SIM2: variants seen among roughly 807,000 people sequenced by gnomAD.
SIM2 encodes single-minded homolog 2.
A neutral mutation model predicts 64.8 loss-of-function variants in SIM2; 28 were observed. The ratio of observed to expected loss-of-function variants is 0.43; its 90% CI spans 0.32 to 0.59. The LOEUF is 0.59. Among genes scored for constraint, SIM2 ranks in the 20% least tolerant of loss-of-function variants. SIM2 has a pLI of 0.07. For missense variants in SIM2, 847 were observed against 871.4 expected, an observed-to-expected ratio of 0.97 and a Z score of 0.35; for synonymous variants, 408 against 391.1, an observed-to-expected ratio of 1.04 and a Z score of -0.51.
intron 4 of SIM2, 31 bp from the exon 5 acceptor site, chr21:36,723,014 G>C: frequency 6.3e-7 from 1 of 1,575,576 alleles, no homozygotes; most frequent in Non-Finnish European, 8.7e-7. Flanking sequence ...CGGAGGGACA[G>C]CTGCCAACCT....
intron 2 of SIM2, chr21:36,710,081 G>A (rs1240659801): frequency 1.9e-5 from 3 of 154,794 alleles, no homozygotes; most frequent in African/African-American, 7.2e-5. Context: ...CAAAGTGTTG[G>A]GATTACAGGC....
intron 1 of SIM2, among the ~76,000 whole-genome samples, chr21:36,708,807 C>A (rs1404808607): frequency 6.6e-6 from 1 of 152,222 alleles, no homozygotes; most frequent in African/African-American, 2.4e-5. Flanking sequence ...CCCCGTTTGG[C>A]CACGAGAATG....
In SIM2 at chr21:36,740,480, G is replaced by A. The variant is rs9977504; in HGVS notation, c.851-1237G>A. 4.6e-5 allele frequency among the ~76,000 whole-genome samples: 7 copies of A among 152,076 alleles called. No individual in the cohort carries two copies. The South Asian group carries it at 1.5e-3, about 32-fold the overall frequency. Reference sequence around the variant, plus strand: ...TGCCTATATTGCTTTTAGGGTCTTTGTGTTTTTATCAATCTGTACGAACCC... The same window carrying A: ...TGCCTATATTGCTTTTAGGGTCTTTATGTTTTTATCAATCTGTACGAACCC... On this transcript the variant is annotated intron_variant, in intron 7 of 10. Transcript: ENST00000290399.
At position 36,726,744 on chromosome 21, in the gene SIM2, T is replaced by C. The variant is rs926911889; in HGVS notation, c.743+426T>C. Among the ~76,000 whole-genome samples, 6 of 152,104 alleles carry C rather than the reference T, an allele frequency of 3.9e-5. No homozygotes were observed. In the East Asian group the frequency reaches 1.2e-3, roughly 29 times the overall value. The stretch of plus-strand genomic sequence containing the variant: ...AAATTTCCACCCTGTGTGCGGTGTG[T>C]GGGGGGCCTTGGCACTCAGGCTGGT... On this transcript the variant is annotated intron_variant, in intron 6 of 10. Transcript: ENST00000290399. This position sits in a 1 kb window ranked among gnomAD's most constrained non-coding sequence, Gnocchi z 4.5.
intron 7 of SIM2, among the ~76,000 whole-genome samples, chr21:36,740,988 C>A (rs1025655241): frequency 3.9e-5 from 6 of 152,220 alleles, no homozygotes; most frequent in African/African-American, 1.4e-4. Flanking sequence ...CCCCCACCTG[C>A]CTCCTGGAAG....
chr21:36,725,171 C>A (rs1206995457), intron 5 of SIM2, among the ~76,000 whole-genome samples: 1 of 152,056 alleles, frequency 6.6e-6, no homozygotes, highest in South Asian at 2.1e-4. Flanking sequence ...CATAATGAGA[C>A]CTTGTCTCTA....
chr21:36,701,015 G>A (rs1327767473), intron 1 of SIM2, among the ~76,000 whole-genome samples: 1 of 152,242 alleles, frequency 6.6e-6, no homozygotes, highest in East Asian at 1.9e-4. Context: ...AGCGTTTTTG[G>A]CGTCCCAAGC....
intron 2 of SIM2, chr21:36,709,542 T>G (rs1347972019): frequency 5.3e-6 from 3 of 570,094 alleles, no homozygotes; most frequent in Non-Finnish European, 9.8e-6. Flanking sequence ...CGTGGTCAAG[T>G]GCTTTCCAAT....
chr21:36,747,970 G>T lies in SIM2; in HGVS notation c.1882G>T (p.Gly628Cys), dbSNP rs1205112450. The stretch of plus-strand genomic sequence containing the variant: ...CTCCGGCCTGGCCTGCGCTCCCGGC[G>T]GCCCCGAGGCGGCGACCGGCGCGCT... ...AASGLACAPG[G>C]PEAATGALRL... is the part of the protein sequence containing the mutation. The change falls in exon 11 of 11, where the codon GGC (glycine) becomes TGC (cysteine). Residue 628 changes from glycine (G) to cysteine (C), a missense_variant. Around this residue, in one of 3 missense-constraint regions of SIM2, gnomAD observed 447 missense variants for 414.6 expected, o/e 1.08. Coordinates refer to ENST00000290399, the MANE Select transcript of SIM2 (RefSeq NM_005069.6). This position sits in a 1 kb window ranked among gnomAD's most constrained non-coding sequence, Gnocchi z 4.5. The T allele has an allele frequency of 9.8e-7, 1 of 1,015,316 alleles. No homozygotes were observed. Among genetic ancestry groups the T allele is most frequent in the Non-Finnish European group, 1.2e-6 (1 of 851,804 alleles). 62.9% of individuals were successfully genotyped at this position (1,015,316 alleles called of 1,614,324 possible).
intron 3 of SIM2, among the ~76,000 whole-genome samples, chr21:36,715,284 A>ATTT (rs563789448): frequency 3.3e-5 from 5 of 152,126 alleles, no homozygotes; most frequent in African/African-American, 1.2e-4. Flanking sequence ...CACAATGTGT[A>ATTT]TTTTTTTCTG....
intron 3 of SIM2, among the ~76,000 whole-genome samples, chr21:36,713,473 C>T (rs928552382): frequency 6.6e-5 from 10 of 152,188 alleles, no homozygotes; most frequent in African/African-American, 2.2e-4. Context: ...ACATTTTAAA[C>T]TACATATAGG....
chr21:36,700,726 G>C (rs2123400702), intron 1 of SIM2, among the ~76,000 whole-genome samples: 1 of 152,352 alleles, frequency 6.6e-6, no homozygotes, highest in Admixed American at 6.5e-5. Context: ...TGGGGTGCGG[G>C]AAGTCCGGGC....
intron 1 of SIM2, chr21:36,701,437 G>C (rs1232915723): frequency 6.6e-6 from 1 of 152,254 alleles, no homozygotes. Context: ...CTGCAAGCGC[G>C]GCCTCCAGCC....
rs1262020642 is a variant in SIM2 at position 36,747,854 on chromosome 21, C to T, written c.1766C>T (p.Pro589Leu). The T allele has an allele frequency of 1.9e-6, 2 of 1,039,958 alleles. No individual in the cohort carries two copies. Among genetic ancestry groups the T allele is most frequent in the Admixed American group, 5.0e-5 (1 of 19,816 alleles). The allele number at this position is 1,039,958 out of a possible 1,614,324, so 64.4% of individuals were successfully genotyped here. Reference protein sequence around the residue: ...ECCAPPTPEAPGAPAQLPFVL... With the variant: ...ECCAPPTPEALGAPAQLPFVL... ...TGCGCGCCCCCGACCCCCGAGGCCC[C>T]GGGCGCGCCGGCGCAGCTGCCCTTC... The change falls in exon 11 of 11, where the codon CCG becomes CTG. Residue 589 changes from proline (P) to leucine (L), a missense_variant. Pro to Leu is a moderately conservative substitution (Grantham distance 98, BLOSUM62 -3). Coordinates refer to ENST00000290399, the MANE Select transcript of SIM2 (RefSeq NM_005069.6). This position sits in a 1 kb window ranked among gnomAD's most constrained non-coding sequence, Gnocchi z 4.5.
chr21:36,728,563 T>C (rs900122739), intron 6 of SIM2, among the ~76,000 whole-genome samples: 1 of 152,250 alleles, frequency 6.6e-6, no homozygotes, highest in African/African-American at 2.4e-5. Context: ...CCCAGATCTC[T>C]GGTTGTTCCT....
chr21:36,731,306 G>A (rs1229018151), intron 7 of SIM2, among the ~76,000 whole-genome samples, 155 bp downstream of exon 7: 1 of 152,038 alleles, frequency 6.6e-6, no homozygotes, highest in Non-Finnish European at 1.5e-5. Flanking sequence ...TCCACCCCGT[G>A]ATTAAGTACG....
At position 36,731,072 on chromosome 21, in the gene SIM2, G is replaced by T. The variant is rs747167310; in HGVS notation, c.771G>T (p.Pro257=). 31 of 1,613,928 alleles carry T rather than the reference G, an allele frequency of 1.9e-5. No individual in the cohort carries two copies. The South Asian group carries it at 2.9e-4, about 15-fold the overall frequency. The part of the protein sequence containing the change: ...SRVTEVTGYE[P]QDLIEKTLYH... The stretch of plus-strand genomic sequence containing the variant: ...TGACCGAGGTGACGGGGTACGAGCC[G>T]CAGGACCTGATCGAGAAGACCCTAT... The change falls in exon 7 of 11, where the codon CCG becomes CCT. Residue 257 remains proline, a synonymous_variant. Coordinates refer to ENST00000290399, the MANE Select transcript of SIM2 (RefSeq NM_005069.6).
chr21:36,742,712 C>T (rs568043060), intron 8 of SIM2, among the ~76,000 whole-genome samples: 44 of 152,292 alleles, frequency 2.9e-4, no homozygotes, highest in African/African-American at 8.4e-4. Context: ...AAAGAGTTCT[C>T]GTTTGCACTT....
At chr21:36,739,167 A>G (rs546174968) in intron 7 of SIM2, among the ~76,000 whole-genome samples, 2 of 152,358 alleles carry the variant, frequency 1.3e-5, no homozygotes, top group African/African-American at 4.8e-5. Context: ...ATAAAAGTTA[A>G]TATGTATTGA....
Sources: gnomAD v4.1 joint callset for allele counts (sites outside exome capture counted in the v4.1 genomes callset) on GRCh38, gnomAD v4.1.1 for gene constraint, gnomAD v4.1.1 regional missense constraint, Gnocchi (gnomAD v3.1) non-coding constraint, MANE v1.5 for transcripts, NCBI Gene and HGNC (gene_info 2026-07-23, HGNC 2026-07-21) for gene names.